Variants in CEP57L1 observed in about 807,000 individuals in gnomAD.
CEP57L1 encodes centrosomal protein 57 like 1, also known as centrosomal protein CEP57L1.
A neutral mutation model predicts 61.0 loss-of-function variants in CEP57L1; 37 were observed. The ratio of observed to expected loss-of-function variants is 0.61; its 90% CI spans 0.47 to 0.80. The LOEUF is 0.80. Among genes scored for constraint, CEP57L1 ranks in the 30% least tolerant of loss-of-function variants. The pLI, the probability that CEP57L1 is intolerant of heterozygous loss-of-function variation, is 0.00. For synonymous variants in CEP57L1, 137 were observed against 162.3 expected, an observed-to-expected ratio of 0.84 and a Z score of 1.19; for missense variants, 422 against 524.7, an observed-to-expected ratio of 0.80 and a Z score of 1.91.
intron 1 of CEP57L1, among the ~76,000 whole-genome samples, chr6:109,136,560 A>AT (rs1427405068): frequency 3.4e-5 from 2 of 58,272 alleles, no homozygotes; most frequent in South Asian, 1.1e-3. Context: ...AACTATAAGT[A>AT]TAAAAAAAAA....
At chr6:109,109,203 C>G (rs187505241) in intron 1 of CEP57L1, among the ~76,000 whole-genome samples, 1 of 152,116 alleles carries the variant, frequency 6.6e-6, no homozygotes, top group African/African-American at 2.4e-5. Flanking sequence ...TACTTGAAGT[C>G]TGTTCTGTGG....
intron 1 of CEP57L1, among the ~76,000 whole-genome samples, chr6:109,119,278 G>C (rs531722472): frequency 6.6e-6 from 1 of 152,180 alleles, no homozygotes; most frequent in South Asian, 2.1e-4. Flanking sequence ...ATCACTCTAG[G>C]GGCACAGTAA....
chr6:109,153,026 G>C (rs575143773), intron 4 of CEP57L1, among the ~76,000 whole-genome samples: 15 of 151,254 alleles, frequency 9.9e-5, no homozygotes, highest in African/African-American at 2.2e-4. Flanking sequence ...AGGGAGAATC[G>C]CATGAACCCA....
chr6:109,106,964 T>G (rs1771012331), intron 1 of CEP57L1, among the ~76,000 whole-genome samples: 1 of 152,136 alleles, frequency 6.6e-6, no homozygotes, highest in South Asian at 2.1e-4. Flanking sequence ...ATAAAATTAA[T>G]GTTTGGTTAA....
intron 1 of CEP57L1, among the ~76,000 whole-genome samples, chr6:109,120,224 A>G (rs561800533): frequency 1.8e-4 from 27 of 152,330 alleles, no homozygotes; most frequent in African/African-American, 6.3e-4. Context: ...CTTAACCACT[A>G]TGCTATACTT....
intron 9 of CEP57L1, among the ~76,000 whole-genome samples, chr6:109,159,932 T>C (rs1773572160): frequency 6.6e-6 from 1 of 152,202 alleles, no homozygotes; most frequent in African/African-American, 2.4e-5. Context: ...ATCTTTTAGC[T>C]GAATGAATTA....
chr6:109,134,641 C>T (rs1774610168), intron 1 of CEP57L1, among the ~76,000 whole-genome samples: 1 of 152,184 alleles, frequency 6.6e-6, no homozygotes, highest in South Asian at 2.1e-4. Flanking sequence ...TTGCAGATGA[C>T]ATGATTGTAT....
intron 1 of CEP57L1, chr6:109,106,115 T>G (rs1295502386): frequency 6.6e-6 from 1 of 152,236 alleles, no homozygotes; most frequent in African/African-American, 2.4e-5. Context: ...TATTTCATTA[T>G]GTATCACAAT....
chr6:109,120,724 T>G (rs534418059), intron 1 of CEP57L1, among the ~76,000 whole-genome samples: 1 of 152,290 alleles, frequency 6.6e-6, no homozygotes, highest in Admixed American at 6.5e-5. Flanking sequence ...TTGACTTTCA[T>G]ATTCAGTGGA....
At position 109,169,225 on chromosome 6, in the gene CEP57L1, G is replaced by GTAAAA. The variant is rs1774290015; in HGVS notation, c.*6255_*6256insTAAAA. Among the ~76,000 whole-genome samples, 1 of 50,354 alleles carries GTAAAA rather than the reference G, an allele frequency of 2.0e-5. No homozygotes were observed. 33.0% of individuals were successfully genotyped at this position (50,354 alleles called of 152,430 possible). A position where few individuals can be genotyped will look rare whatever the true frequency, so the allele number is the denominator to read the frequency against. On this transcript the variant is annotated 3_prime_UTR_variant, in exon 11 of 11. Transcript: ENST00000517392. ...TGAGCAGCAGAGTGAGGCTCCATCA[G>GTAAAA]CAAAAAAAAAAAAAAAAAAAAAGAT...
intron 1 of CEP57L1, among the ~76,000 whole-genome samples, chr6:109,105,290 C>T (rs1770793499): frequency 6.6e-6 from 1 of 151,992 alleles, no homozygotes; most frequent in Non-Finnish European, 1.5e-5. Flanking sequence ...ATATTTTCTT[C>T]TAAAACAAAG....
Position 109,164,886 on chromosome 6 carries a change from C to T in CEP57L1, c.*1916C>T, listed in dbSNP as rs2114977955. On this transcript the variant is annotated 3_prime_UTR_variant, in exon 11 of 11. Coordinates refer to ENST00000517392, the MANE Select transcript of CEP57L1 (RefSeq NM_001271852.3). ...CACGAGGTCAGGAGATTGAGACCAT[C>T]CTGGCCAACATGTGAAACCCTGTCT... is the stretch of plus-strand genomic sequence containing the variant. Among the ~76,000 whole-genome samples the T allele has an allele frequency of 6.6e-6, 1 of 152,134 alleles. No individual in the cohort carries two copies. Among genetic ancestry groups the T allele is most frequent in the Middle Eastern group, 3.4e-3 (1 of 294 alleles).
At chr6:109,108,307 C>T (rs1771178160) in intron 1 of CEP57L1, among the ~76,000 whole-genome samples, 1 of 150,396 alleles carries the variant, frequency 6.6e-6, no homozygotes, top group South Asian at 2.1e-4. Flanking sequence ...GTGGCGCGAT[C>T]TCAGCTCACT....
rs770984124 is a variant in CEP57L1 at position 109,145,202 on chromosome 6, TC to T, written c.-3-15del. On this transcript the variant is annotated splice_polypyrimidine_tract_variant and intron_variant, in intron 1 of 10. Transcript: ENST00000517392. ...ATAGGAAAGCATGATACTATATCAT[TC>T]CTTTATTCTCTACAGATAATGGATT... The T allele has an allele frequency of 8.1e-7, 1 of 1,234,132 alleles. No individual in the cohort carries two copies. Among genetic ancestry groups the T allele is most frequent in the African/African-American group, 1.9e-5 (1 of 51,674 alleles). 76.4% of individuals were successfully genotyped at this position (1,234,132 alleles called of 1,614,324 possible).
chr6:109,150,507 C>A (rs1196939091), intron 4 of CEP57L1, among the ~76,000 whole-genome samples: 1 of 151,698 alleles, frequency 6.6e-6, no homozygotes, highest in Non-Finnish European at 1.5e-5. Flanking sequence ...ACTAAAAATA[C>A]AAAAATTAGC....
intron 1 of CEP57L1, among the ~76,000 whole-genome samples, chr6:109,133,635 T>C (rs1472171907): frequency 6.6e-6 from 1 of 151,972 alleles, no homozygotes; most frequent in African/African-American, 2.4e-5. Context: ...AGCTGGTGTT[T>C]TGAAAAGATC....
At chr6:109,124,594 T>C (rs1773337029) in intron 1 of CEP57L1, among the ~76,000 whole-genome samples, 1 of 152,254 alleles carries the variant, frequency 6.6e-6, no homozygotes, top group South Asian at 2.1e-4. Context: ...ATGGATTTAG[T>C]AAGTTAATTC....
rs74505370 is a variant in CEP57L1 at position 109,102,803 on chromosome 6, T to C, written c.-4+7228T>C. ...ATTATACTGAATCTGTACAACTATA[T>C]TGGTGCCATTCTTCAAAACTGTTCC... On this transcript the variant is annotated intron_variant, in intron 1 of 10. Transcript: ENST00000517392. 8.3e-3 allele frequency among the ~76,000 whole-genome samples: 1,261 copies of C among 152,316 alleles called. 23 individuals carry two copies. Among genetic ancestry groups the C allele is most frequent in the African/African-American group, 0.029 (1,210 of 41,552 alleles).
chr6:109,161,243 A>G (rs570269717), intron 10 of CEP57L1, among the ~76,000 whole-genome samples: 10 of 152,248 alleles, frequency 6.6e-5, no homozygotes, highest in African/African-American at 2.4e-4. Flanking sequence ...TGGTGAAGAA[A>G]ACTCTGCACT....
Sources: allele counts gnomAD v4.1 joint callset (sites outside exome capture counted in the v4.1 genomes callset), GRCh38; gene constraint gnomAD v4.1.1; transcripts MANE v1.5; gene names NCBI Gene and HGNC (gene_info 2026-07-23, HGNC 2026-07-21).